The following SNED1 variants were observed in gnomAD, a reference collection of about 807,000 sequenced individuals.
The protein encoded by SNED1 is sushi, nidogen and EGF like domains 1, also known as sushi, nidogen and EGF-like domain-containing protein 1.
A neutral mutation model predicts 166.7 loss-of-function variants in SNED1; 81 were observed. The ratio of observed to expected loss-of-function variants is 0.49; its 90% confidence interval spans 0.41 to 0.58. SNED1 has a LOEUF of 0.58. SNED1 is among the 20% of genes least tolerant of loss of function. SNED1 has a pLI of 0.00. For synonymous variants in SNED1, 762 were observed against 822.0 expected (o/e 0.93, Z 1.25); for missense variants, 1,604 against 2,000.2 (o/e 0.80, Z 3.78).
At chr2:241,050,982 A>G (rs1009153019) in intron 12 of SNED1, among the ~76,000 whole-genome samples, 2 of 152,142 alleles carry the variant, frequency 1.3e-5, no homozygotes, top group East Asian at 3.9e-4. Context: ...CAATGTGGAC[A>G]CCTCTGACCC....
At chr2:241,090,659 G>A (rs1388788880) in intron 31 of SNED1, among the ~76,000 whole-genome samples, 1 of 152,074 alleles carries the variant, frequency 6.6e-6, no homozygotes, top group African/African-American at 2.4e-5. Context: ...TTGAGGCCAG[G>A]AGTTCGAGAC....
intron 30 of SNED1, 158 bp from the exon 31 acceptor site, chr2:241,088,207 T>G: frequency 1.6e-6 from 1 of 623,044 alleles, no homozygotes; most frequent in South Asian, 2.0e-5. Context: ...ACTAAAATGC[T>G]AATCTCCACA....
chr2:241,036,663 C>A, intron 4 of SNED1, 127 bp from the exon 5 acceptor site: 1 of 1,231,322 alleles, frequency 8.1e-7, no homozygotes, highest in Non-Finnish European at 1.1e-6. Context: ...TGCTTTGCTG[C>A]GGTCACCCGG....
Position 241,018,460 on chromosome 2 carries a change from T to G in SNED1, c.214-11824T>G, listed in dbSNP as rs1161108157. On this transcript the variant is annotated intron_variant, in intron 1 of 31. Coordinates refer to ENST00000310397, the MANE Select transcript of SNED1 (RefSeq NM_001080437.3). This position sits in a 1 kb window ranked among gnomAD's most constrained non-coding sequence, Gnocchi z 5.4. Reference sequence around the variant, plus strand: ...GCTGGATTTAAGGGGCAAAGAACATTCGTTGTTCACTCAGCCCCCTGCACG... The same window carrying G: ...GCTGGATTTAAGGGGCAAAGAACATGCGTTGTTCACTCAGCCCCCTGCACG... 1.3e-5 allele frequency among the ~76,000 whole-genome samples: 2 copies of G among 152,064 alleles called. No individual in the cohort carries two copies. Among genetic ancestry groups the G allele is most frequent in the Admixed American group, 1.3e-4 (2 of 15,276 alleles).
intron 8 of SNED1, among the ~76,000 whole-genome samples, chr2:241,042,419 G>A (rs2061544487): frequency 6.6e-6 from 1 of 152,132 alleles, no homozygotes; most frequent in South Asian, 2.1e-4. Flanking sequence ...TGAGCCATGT[G>A]CCAGAATAAA....
chr2:241,079,528 T>C (rs908412453), intron 27 of SNED1, among the ~76,000 whole-genome samples: 4 of 150,156 alleles, frequency 2.7e-5, no homozygotes, highest in African/African-American at 1.0e-4. Flanking sequence ...GAAATGAAAC[T>C]AATAAGATGG....
chr2:241,086,178 T>A (rs898383290), intron 29 of SNED1, among the ~76,000 whole-genome samples: 1 of 152,198 alleles, frequency 6.6e-6, no homozygotes, highest in Non-Finnish European at 1.5e-5. Context: ...TGTCTGGGGT[T>A]TCTATGGATG....
In SNED1 at chr2:241,071,620, C is replaced by G; in HGVS notation, c.3634C>G (p.His1212Asp). The G allele has an allele frequency of 6.3e-7, 1 of 1,586,820 alleles. No individual in the cohort carries two copies. The highest frequency in any genetic ancestry group is 1.1e-5 in the South Asian group (1 of 87,908). ...CAGACGCTGGCACCAGGGAGGACAC[C>G]ACCCTCGGGTGCTCAAGAACAGACC... ...ADRRWHQGGH[H>D]PRVLKNRPPP... Residue 1212 changes from histidine (H) to aspartate (D), a missense_variant, in exon 25 of 32, where the codon CAC (histidine) becomes GAC (aspartate). Physicochemically the swap from His to Asp is moderately conservative, Grantham distance 81. Around this residue, in one of 2 missense-constraint regions of SNED1, gnomAD observed 367 missense variants for 379.4 expected, o/e 0.97. Coordinates refer to ENST00000310397, the MANE Select transcript of SNED1 (RefSeq NM_001080437.3).
Position 241,075,654 on chromosome 2 carries a change from T to G in SNED1, c.3916+2290T>G, listed in dbSNP as rs959889474. ...CAGGTATCTTCCTCCAGCCTCTGGC[T>G]TGTCCTTCCCTGTTCTTGGTGGTAC... is the stretch of plus-strand genomic sequence containing the variant. On this transcript the variant is annotated intron_variant, in intron 27 of 31. Transcript: ENST00000310397. This position sits in a 1 kb window ranked among gnomAD's most constrained non-coding sequence, Gnocchi z 4.8. 6.6e-6 allele frequency: 1 copy of G among 152,204 alleles called. No individual in the cohort carries two copies. Among genetic ancestry groups the G allele is most frequent in the African/African-American group, 2.4e-5 (1 of 41,460 alleles). 9.4% of individuals were successfully genotyped at this position (152,204 alleles called of 1,614,324 possible). A position where few individuals can be genotyped will look rare whatever the true frequency, so the allele number is the denominator to read the frequency against.
At chr2:241,036,739 G>GCCGAGT (rs1486895445) in intron 4 of SNED1, 51 bp from the exon 5 acceptor site, 39 of 1,597,534 alleles carry the variant, frequency 2.4e-5, no homozygotes, top group East Asian at 4.5e-5. Context: ...TGGCTCTCCT[G>GCCGAGT]CCGAGTCCGG....
chr2:241,082,606 G>GGTCCCCAGGCCCCCA lies in SNED1; in HGVS notation c.4121+244_4121+258dup, dbSNP rs1322607042. ...GGGGCTGAGAAGAACGCAGGCTCCTGGTCCCCAGGCCCCCAGGCCTTCCTT... is the reference window on the plus strand; with the variant it reads ...GGGGCTGAGAAGAACGCAGGCTCCTGGTCCCCAGGCCCCCAGTCCCCAGGCCCCCAGGCCTTCCTT... On this transcript the variant is annotated intron_variant, in intron 29 of 31. Transcript: ENST00000310397. Among the ~76,000 whole-genome samples, 3 of 152,302 alleles carry GGTCCCCAGGCCCCCA rather than the reference G, an allele frequency of 2.0e-5. No individual in the cohort carries two copies. The East Asian group carries it at 5.8e-4, about 30-fold the overall frequency.
At chr2:241,026,516 T>C (rs4676000) in intron 1 of SNED1, among the ~76,000 whole-genome samples, 7,329 of 152,262 alleles carry the variant, frequency 0.048, 953 homozygotes, top group East Asian at 0.36. Context: ...TTTTGTCTCC[T>C]TTAAAATTCT....
Position 241,073,495 on chromosome 2 carries a change from G to A in SNED1, c.3916+131G>A. 1.3e-6 allele frequency: 1 copy of A among 743,584 alleles called. No individual in the cohort carries two copies. The allele number at this position is 743,584 out of a possible 1,614,324, so 46.1% of individuals were successfully genotyped here. A position where few individuals can be genotyped will look rare whatever the true frequency, so the allele number is the denominator to read the frequency against. On this transcript the variant is annotated intron_variant, in intron 27 of 31. Coordinates refer to ENST00000310397, the MANE Select transcript of SNED1 (RefSeq NM_001080437.3). The surrounding 1 kb of genome is among the most constrained non-coding windows in gnomAD (Gnocchi z 6.6). ...CAGAGCCTACCTGAGGGGAGGCTGA[G>A]CACCAGGCACCCCGGTGTGGGAAGA...
At chr2:241,079,953 T>C (rs1483028670) in intron 27 of SNED1, among the ~76,000 whole-genome samples, 1 of 152,150 alleles carries the variant, frequency 6.6e-6, no homozygotes, top group Non-Finnish European at 1.5e-5. Context: ...ATTTTCAGTG[T>C]AAAGAATTAA....
chr2:241,049,917 C>A lies in SNED1; in HGVS notation c.1719C>A (p.Gly573=). The change falls in exon 12 of 32, where the codon GGC becomes GGA. Residue 573 remains glycine (G), a synonymous_variant. Coordinates refer to ENST00000310397, the MANE Select transcript of SNED1 (RefSeq NM_001080437.3). Reference sequence around the variant, plus strand: ...GCGAGTGCCCGCGCGGGTTCCACGGCAAGCACTGCGAGAAAGGTATGGCGG... The same window carrying A: ...GCGAGTGCCCGCGCGGGTTCCACGGAAAGCACTGCGAGAAAGGTATGGCGG... ...YTCECPRGFH[G]KHCEKARPHL... 6.2e-7 allele frequency: 1 copy of A among 1,613,482 alleles called. No homozygotes were observed. Among genetic ancestry groups the A allele is most frequent in the Middle Eastern group, 1.6e-4 (1 of 6,062 alleles).
intron 16 of SNED1, among the ~76,000 whole-genome samples, chr2:241,058,423 A>G (rs893177555): frequency 8.5e-5 from 13 of 152,216 alleles, no homozygotes; most frequent in Non-Finnish European, 1.2e-4. Context: ...GTAGAAGGAA[A>G]GAGGAATAAA....
chr2:240,999,028 G>T lies in SNED1; in HGVS notation c.191G>T (p.Gly64Val). The T allele has an allele frequency of 7.5e-7, 1 of 1,324,532 alleles. No homozygotes were observed. Among genetic ancestry groups the T allele is most frequent in the Non-Finnish European group, 9.7e-7 (1 of 1,032,278 alleles). 82.0% of individuals were successfully genotyped at this position (1,324,532 alleles called of 1,614,324 possible). Residue 64 changes from glycine (G) to valine (V), a missense_variant, in exon 1 of 32, where the codon GGT (glycine) becomes GTT (valine). This residue lies in a region of SNED1 where 1,237 missense variants were observed against 1,620.8 expected (regional missense o/e 0.76). Transcript: ENST00000310397. This position sits in a 1 kb window ranked among gnomAD's most constrained non-coding sequence, Gnocchi z 5.8. ...CTCTCGGTGCCCTTCCCGTTCTTCG[G>T]TGCCGAGCACTCCGGACTCTACGTG... ...RPLSVPFPFF[G>V]AEHSGLYVNN...
At chr2:241,019,196 G>C (rs1194496794) in intron 1 of SNED1, among the ~76,000 whole-genome samples, 9 of 152,104 alleles carry the variant, frequency 5.9e-5, no homozygotes, top group Non-Finnish European at 1.3e-4. Flanking sequence ...CATGGTGTGT[G>C]GACCAGGAGC....
chr2:241,082,385 C>T (rs777303864), intron 29 of SNED1, 21 bp downstream of exon 29: 10 of 1,581,836 alleles, frequency 6.3e-6, no homozygotes, highest in Admixed American at 3.3e-5. Flanking sequence ...TTCTGTCCTC[C>T]GCCTTACCGC....
Sources: allele counts gnomAD v4.1 joint callset (sites outside exome capture counted in the v4.1 genomes callset), GRCh38; gene constraint gnomAD v4.1.1; regional missense constraint gnomAD v4.1.1; non-coding constraint Gnocchi (gnomAD v3.1); transcripts MANE v1.5; gene names NCBI Gene and HGNC (gene_info 2026-07-23, HGNC 2026-07-21).